Variants in MYO18B observed in about 807,000 individuals in gnomAD.
The protein encoded by MYO18B is unconventional myosin-XVIIIb.
In MYO18B, 204 loss-of-function variants were observed where a neutral mutation model predicts 273.0. That is an observed-to-expected ratio of 0.75 (90% CI 0.67 to 0.84). The LOEUF (loss-of-function observed/expected upper bound fraction) is 0.84. Ranked by LOEUF, MYO18B falls within the 40% of genes least tolerant of loss-of-function variation. The pLI is 0.00. For synonymous variants in MYO18B, 1,330 were observed against 1,305.7 expected (o/e 1.02, Z -0.40); for missense variants, 3,212 against 3,287.6 (o/e 0.98, Z 0.56).
Position 25,903,814 on chromosome 22 carries a change from A to G in MYO18B, c.5131A>G (p.Ile1711Val). The G allele has an allele frequency of 6.2e-7, 1 of 1,600,328 alleles. No homozygotes were observed. The highest frequency in any genetic ancestry group is 8.5e-7 in the Non-Finnish European group (1 of 1,173,708). ...AATCCAGAGCCAGCAGGAAAACACC[A>G]TCAAGCAGCTGGAGCAGGTAGGAAA... ...QKIQSQQENT[I>V]KQLEQLRQRF... The change falls in exon 31 of 44, where the codon ATC (isoleucine) becomes GTC (valine). Residue 1711 changes from isoleucine to valine, a missense_variant. Coordinates refer to ENST00000335473, the MANE Select transcript of MYO18B (RefSeq NM_032608.7).
At chr22:26,038,806 C>G in the MYO18B span, among the ~76,000 whole-genome samples, 1 of 152,150 alleles carries the variant, frequency 6.6e-6, no homozygotes, top group Non-Finnish European at 1.5e-5. Context: ...TTTCCTTCTC[C>G]CCTTAGTCTC....
intron 34 of MYO18B, among the ~76,000 whole-genome samples, chr22:25,928,168 G>T (rs1018655169): frequency 6.6e-6 from 1 of 152,068 alleles, no homozygotes; most frequent in Non-Finnish European, 1.5e-5. Flanking sequence ...GCCAGTTCAT[G>T]AATGGTTTAG....
intron 42 of MYO18B, among the ~76,000 whole-genome samples, chr22:26,007,539 G>A (rs1424423744): frequency 6.6e-6 from 1 of 152,184 alleles, no homozygotes; most frequent in Non-Finnish European, 1.5e-5. Flanking sequence ...GGATTATTAT[G>A]CAACCTTCAA....
chr22:25,891,361 G>T lies in MYO18B; in HGVS notation c.4492G>T (p.Ala1498Ser). Residue 1498 changes from alanine to serine, a missense_variant, in exon 27 of 44, where the codon GCC becomes TCC. Physicochemically the swap from Ala to Ser is moderately conservative, Grantham distance 99. Coordinates refer to ENST00000335473, the MANE Select transcript of MYO18B (RefSeq NM_032608.7). ...LGDVNKQLEE[A>S]QQKIQLNDLE... Reference sequence around the variant, plus strand: ...AGATGTGAATAAACAGTTGGAAGAAGCCCAGCAGAAAATTCAGTTGAATGA... The same window carrying T: ...AGATGTGAATAAACAGTTGGAAGAATCCCAGCAGAAAATTCAGTTGAATGA... 2 of 1,586,254 alleles carry T rather than the reference G, an allele frequency of 1.3e-6. No individual in the cohort carries two copies. Among genetic ancestry groups the T allele is most frequent in the East Asian group, 2.3e-5 (1 of 43,628 alleles).
chr22:25,945,197 C>G (rs2092690327), intron 34 of MYO18B, among the ~76,000 whole-genome samples: 1 of 152,114 alleles, frequency 6.6e-6, no homozygotes, highest in African/African-American at 2.4e-5. Flanking sequence ...TCTGTGGACC[C>G]ACTTTTAACC....
intron 12 of MYO18B, among the ~76,000 whole-genome samples, chr22:25,806,537 G>T (rs948695939): frequency 1.5e-4 from 23 of 152,212 alleles, no homozygotes; most frequent in African/African-American, 5.3e-4. Flanking sequence ...AAGGCAGCGG[G>T]AGGGGGCTCT....
rs533054197 is a variant in MYO18B, at chr22:25,908,318, G to C, written c.5149-4G>C. On this transcript the variant is annotated splice_region_variant and splice_polypyrimidine_tract_variant and intron_variant, in intron 31 of 43. Transcript: ENST00000335473. The stretch of plus-strand genomic sequence containing the variant: ...CTCACGTGCTGTCCTTGCTGCCCCC[G>C]CAGCTCCGCCAGCGGTTTGAGCTGG... 6.4e-7 allele frequency: 1 copy of C among 1,571,416 alleles called. No individual in the cohort carries two copies. Among genetic ancestry groups the C allele is most frequent in the African/African-American group, 1.4e-5 (1 of 74,040 alleles).
intron 9 of MYO18B, 106 bp downstream of exon 9, chr22:25,780,304 T>C: frequency 2.2e-6 from 3 of 1,358,594 alleles, no homozygotes; most frequent in Non-Finnish European, 3.0e-6. Context: ...AGGATGTGTC[T>C]GAAATGGTCA....
intron 12 of MYO18B, among the ~76,000 whole-genome samples, chr22:25,801,121 A>G (rs1252609103): frequency 6.6e-6 from 1 of 152,216 alleles, no homozygotes; most frequent in African/African-American, 2.4e-5. Flanking sequence ...ATATATTAAG[A>G]ATCATTTTCA....
chr22:25,777,194 T>G (rs577133145), intron 7 of MYO18B, among the ~76,000 whole-genome samples: 1 of 152,376 alleles, frequency 6.6e-6, no homozygotes, highest in Admixed American at 6.5e-5. Flanking sequence ...CCATTCCCTG[T>G]GTCCATAGCA....
the MYO18B span, among the ~76,000 whole-genome samples, chr22:26,050,842 C>T: frequency 2.6e-5 from 4 of 151,962 alleles, no homozygotes; most frequent in Non-Finnish European, 5.9e-5. Flanking sequence ...GATGAGGGAC[C>T]CTGAGAAGGT....
chr22:25,773,168 C>T (rs887690203), intron 7 of MYO18B, among the ~76,000 whole-genome samples: 4 of 152,202 alleles, frequency 2.6e-5, no homozygotes, highest in Non-Finnish European at 4.4e-5. Context: ...GTCATTGAAG[C>T]GTGGGCCCCT....
At chr22:25,976,659 C>G (rs1184228775) in intron 39 of MYO18B, among the ~76,000 whole-genome samples, 2 of 152,106 alleles carry the variant, frequency 1.3e-5, no homozygotes, top group Non-Finnish European at 2.9e-5. Context: ...AGGGAGATAG[C>G]ATTGACTCTG....
At chr22:25,829,773 G>C (rs1436661351) in intron 15 of MYO18B, among the ~76,000 whole-genome samples, 1 of 152,044 alleles carries the variant, frequency 6.6e-6, no homozygotes, top group Non-Finnish European at 1.5e-5. Context: ...GGGAGGTGGA[G>C]GTCGTGGTGA....
chr22:26,032,357 C>T (rs1406580934), downstream of MYO18B, among the ~76,000 whole-genome samples: 3 of 152,082 alleles, frequency 2.0e-5, no homozygotes, highest in African/African-American at 7.2e-5. Context: ...AGGCCTCTGT[C>T]CTTGGCTTGT....
rs564546956 is a variant in MYO18B at position 25,917,132 on chromosome 22, A to G, written c.5365-4125A>G. 6.0e-4 allele frequency among the ~76,000 whole-genome samples: 92 copies of G among 152,386 alleles called. No homozygotes were observed. In the South Asian group the frequency reaches 0.018, roughly 29 times the overall value. On this transcript the variant is annotated intron_variant, in intron 33 of 43. Transcript: ENST00000335473. ...ACAGGGTTCAATACATGGCAAATGA[A>G]TCAACCTTGTTAAATTTTTATTTCA...
chr22:25,742,648 T>C (rs2085661441), intron 1 of MYO18B, among the ~76,000 whole-genome samples: 1 of 152,224 alleles, frequency 6.6e-6, no homozygotes, highest in Non-Finnish European at 1.5e-5. Flanking sequence ...CGTCAGGGTT[T>C]ATATTTTTCC....
chr22:25,770,776 G>T, intron 5 of MYO18B, 96 bp from the exon 6 acceptor site: 2 of 865,344 alleles, frequency 2.3e-6, no homozygotes, highest in Non-Finnish European at 3.7e-6. Flanking sequence ...TGCTGGCCCG[G>T]CTTAGAGCCT....
At chr22:25,805,633 C>A (rs1020613628) in intron 12 of MYO18B, among the ~76,000 whole-genome samples, 1 of 152,192 alleles carries the variant, frequency 6.6e-6, no homozygotes, top group Admixed American at 6.5e-5. Flanking sequence ...CAAGTTCACA[C>A]GTTTGGTTGG....
Sources: gnomAD v4.1 joint callset for allele counts (sites outside exome capture counted in the v4.1 genomes callset) on GRCh38, gnomAD v4.1.1 for gene constraint, MANE v1.5 for transcripts, NCBI Gene and HGNC (gene_info 2026-07-23, HGNC 2026-07-21) for gene names.